RND1: variants seen among roughly 807,000 people sequenced by gnomAD.
RND1 encodes the protein Rho family GTPase 1, also known as rho-related GTP-binding protein Rho6.
Under a neutral mutation model 27.1 loss-of-function variants are expected in RND1, and 9 were observed. The ratio of observed to expected loss-of-function variants is 0.33; its 90% CI spans 0.20 to 0.58. RND1 has a LOEUF of 0.58. Ranked by LOEUF, RND1 falls within the 20% of genes least tolerant of loss-of-function variation. The pLI is 0.86. For synonymous variants in RND1, 108 were observed against 115.7 expected, an observed-to-expected ratio of 0.93 and a Z score of 0.43; for missense variants, 253 against 292.2, an observed-to-expected ratio of 0.87 and a Z score of 0.98.
chr12:48,863,607 C>A (rs1938947270), intron 2 of RND1, among the ~76,000 whole-genome samples: 1 of 152,108 alleles, frequency 6.6e-6, no homozygotes, highest in Non-Finnish European at 1.5e-5. Context: ...CAGAACGCTG[C>A]CTCCCAAGCC....
chr12:48,865,535 C>A (rs746257457), intron 1 of RND1, 113 bp downstream of exon 1: 88 of 1,241,836 alleles, frequency 7.1e-5, no homozygotes, highest in Non-Finnish European at 8.5e-5. Flanking sequence ...CCTCAGAAAG[C>A]GGCTGAGGAT....
rs553508758 is a variant in RND1, at chr12:48,860,238, C to T, written c.453+759G>A. ...AGCTGGGATTACGGGTGCATGCCACCACACCCAGCTACTTTTGGTATTTTT... is the reference window on the plus strand; with the variant it reads ...AGCTGGGATTACGGGTGCATGCCACTACACCCAGCTACTTTTGGTATTTTT... On this transcript the variant is annotated intron_variant, in intron 4 of 4. Transcript: ENST00000309739. Among the ~76,000 whole-genome samples the T allele has an allele frequency of 9.9e-5, 15 of 152,232 alleles. No individual in the cohort carries two copies. The South Asian group carries it at 2.9e-3, about 29-fold the overall frequency.
rs1938863712 is a variant in RND1, at chr12:48,857,799, T to C, written c.*197A>G. The C allele has an allele frequency of 1.9e-6, 1 of 536,452 alleles. No homozygotes were observed. Among genetic ancestry groups the C allele is most frequent in the African/African-American group, 2.0e-5 (1 of 51,132 alleles). 33.2% of individuals were successfully genotyped at this position (536,452 alleles called of 1,614,324 possible). A position where few individuals can be genotyped will look rare whatever the true frequency, so the allele number is the denominator to read the frequency against. On this transcript the variant is annotated 3_prime_UTR_variant, in exon 5 of 5. Coordinates refer to ENST00000309739, the MANE Select transcript of RND1 (RefSeq NM_014470.4). Reference sequence around the variant, plus strand: ...ATCTAGTGCCTGGCTTGGGGTATGATGGTTCTCTCTCAGCGTCAGGTCCTC... The same window carrying C: ...ATCTAGTGCCTGGCTTGGGGTATGACGGTTCTCTCTCAGCGTCAGGTCCTC...
intron 1 of RND1, chr12:48,865,329 AC>A: frequency 2.4e-6 from 1 of 417,400 alleles, no homozygotes; most frequent in South Asian, 2.3e-5. Context: ...TCAAGAAGAA[AC>A]CCCAGACTTT....
At chr12:48,858,379 A>C in intron 4 of RND1, 138 bp from the exon 5 acceptor site, 6 of 666,104 alleles carry the variant, frequency 9.0e-6, no homozygotes, top group Non-Finnish European at 1.3e-5. Flanking sequence ...AGATTATTCG[A>C]TTATCTTTTC....
intron 2 of RND1, among the ~76,000 whole-genome samples, chr12:48,863,429 G>T (rs151329872): frequency 4.6e-5 from 7 of 152,108 alleles, no homozygotes; most frequent in Non-Finnish European, 8.8e-5. Context: ...GGGAGGAGGT[G>T]GGGGGAGGGC....
intron 4 of RND1, among the ~76,000 whole-genome samples, chr12:48,860,559 T>C (rs1452285878): frequency 1.3e-4 from 10 of 76,110 alleles, no homozygotes; most frequent in African/African-American, 4.6e-4. Context: ...ACCCAGCTAT[T>C]TTTTTTTTTT....
intron 3 of RND1, 145 bp from the exon 4 acceptor site, chr12:48,861,276 A>G: frequency 1.2e-6 from 1 of 855,870 alleles, no homozygotes; most frequent in Non-Finnish European, 1.8e-6. Flanking sequence ...GAGTCACAGC[A>G]TCACCGTTGC....
rs1459840036 is a variant in RND1, at chr12:48,865,475, A to C, written c.120+173T>G. ...CAGAAGTGGAACAGGTCTCAGGGGA[A>C]GCTAAGGCAGGGCAGTCCTCCAGCC... On this transcript the variant is annotated intron_variant, in intron 1 of 4. Transcript: ENST00000309739. 13 of 697,706 alleles carry C rather than the reference A, an allele frequency of 1.9e-5. No individual in the cohort carries two copies. In the African/African-American group the frequency reaches 1.9e-4, roughly 10 times the overall value. 43.2% of individuals were successfully genotyped at this position (697,706 alleles called of 1,614,324 possible).
chr12:48,864,401 G>GTA (rs1938956422), intron 2 of RND1, among the ~76,000 whole-genome samples: 1 of 116,356 alleles, frequency 8.6e-6, no homozygotes, highest in Non-Finnish European at 1.8e-5. Context: ...GTGTGTGTGT[G>GTA]TGTGTGTGTG....
At chr12:48,860,077 C>CTT (rs36016980) in intron 4 of RND1, among the ~76,000 whole-genome samples, 5 of 122,736 alleles carry the variant, frequency 4.1e-5, no homozygotes, top group African/African-American at 9.2e-5. Flanking sequence ...CACACCTGGC[C>CTT]TTTTTTTTTT....
intron 2 of RND1, chr12:48,862,323 G>T (rs1938929179): frequency 2.0e-6 from 1 of 496,540 alleles, no homozygotes; most frequent in South Asian, 2.9e-5. Context: ...TCCAGAAAAA[G>T]GGAAAGAAGA....
chr12:48,862,173 A>G, intron 2 of RND1, 55 bp from the exon 3 acceptor site: 2 of 1,064,158 alleles, frequency 1.9e-6, no homozygotes, highest in South Asian at 2.6e-5. Context: ...CTTCCCCAAT[A>G]GGCCTAAGCC....
At position 48,858,223 on chromosome 12, in the gene RND1, G is replaced by T; in HGVS notation, c.472C>A (p.Gln158Lys). The T allele has an allele frequency of 6.2e-7, 1 of 1,614,032 alleles. No homozygotes were observed. The highest frequency in any genetic ancestry group is 8.5e-7 in the Non-Finnish European group (1 of 1,180,002). ...SYEQGCAIAK[Q>K]LGAEIYLEGS... ...TCCAGGTAGATTTCTGCACCCAGCTGCTTTGCTATTGCACAACCCTGCAGG... is the reference window on the plus strand; with the variant it reads ...TCCAGGTAGATTTCTGCACCCAGCTTCTTTGCTATTGCACAACCCTGCAGG... The change falls in exon 5 of 5, where the codon CAG becomes AAG. Residue 158 changes from glutamine to lysine, a missense_variant. Physicochemically the swap from Gln to Lys is moderately conservative, Grantham distance 53 (BLOSUM62 1). Coordinates refer to ENST00000309739, the MANE Select transcript of RND1 (RefSeq NM_014470.4).
At chr12:48,862,237 G>T in intron 2 of RND1, 119 bp from the exon 3 acceptor site, 1 of 627,212 alleles carries the variant, frequency 1.6e-6, no homozygotes, top group Admixed American at 3.0e-5. Context: ...CATCTCCCAG[G>T]GGGAATGTAC....
At chr12:48,860,704 C>CTT (rs144167355) in intron 4 of RND1, among the ~76,000 whole-genome samples, 5 of 151,248 alleles carry the variant, frequency 3.3e-5, no homozygotes, top group East Asian at 1.9e-4. Context: ...CACCTGGCCT[C>CTT]TTTTTTTTGT....
intron 1 of RND1, 71 bp from the exon 2 acceptor site, chr12:48,864,941 C>CACGCACTCACCAGAGAG: frequency 1.8e-6 from 2 of 1,095,892 alleles, no homozygotes; most frequent in South Asian, 2.5e-5. Flanking sequence ...GCTGGCTACA[C>CACGCACTCACCAGAGAG]ACGCACTCAC....
Position 48,858,208 on chromosome 12 carries a change from T to C in RND1, c.487A>G (p.Ile163Val), listed in dbSNP as rs1312961279. Residue 163 changes from isoleucine (I) to valine (V), a missense_variant, in exon 5 of 5, where the codon ATC (isoleucine) becomes GTC (valine). Coordinates refer to ENST00000309739, the MANE Select transcript of RND1 (RefSeq NM_014470.4). ...CAIAKQLGAE[I>V]YLEGSAFTSE... is the part of the protein sequence containing the mutation. ...GTGAAAGCTGAGCCTTCCAGGTAGA[T>C]TTCTGCACCCAGCTGCTTTGCTATT... 1.2e-6 allele frequency: 2 copies of C among 1,613,898 alleles called. No individual in the cohort carries two copies. The highest frequency in any genetic ancestry group is 1.1e-5 in the South Asian group (1 of 91,080).
At chr12:48,861,346 G>A (rs139648727) in intron 3 of RND1, among the ~76,000 whole-genome samples, 1 of 152,236 alleles carries the variant, frequency 6.6e-6, no homozygotes, top group African/African-American at 2.4e-5. Context: ...GCTGACCCAG[G>A]AGCCTGTTCC....
Sources: gnomAD v4.1 joint callset for allele counts (sites outside exome capture counted in the v4.1 genomes callset) on GRCh38, gnomAD v4.1.1 for gene constraint, MANE v1.5 for transcripts, NCBI Gene and HGNC (gene_info 2026-07-23, HGNC 2026-07-21) for gene names.